CSMD1: variants seen among roughly 807,000 people sequenced by gnomAD.
CSMD1 encodes CUB and Sushi multiple domains 1.
In CSMD1, 213 loss-of-function variants were observed where a neutral mutation model predicts 417.5. That is an observed-to-expected ratio of 0.51 (90% CI 0.46 to 0.57). CSMD1 has a LOEUF of 0.57. Among genes scored for constraint, CSMD1 ranks in the 20% least tolerant of loss-of-function variants. The probability of loss-of-function intolerance (pLI) is 0.00; values close to 1 mark genes in which losing one functional copy is unlikely to be tolerated. For missense variants in CSMD1, 6,923 were observed against 4,529.7 expected, an observed-to-expected ratio of 1.53 and a Z score of -15.17; for synonymous variants, 2,862 against 1,736.8, an observed-to-expected ratio of 1.65 and a Z score of -16.11.
At chr8:4,410,244 C>A (rs887388426) in intron 3 of CSMD1, among the ~76,000 whole-genome samples, 1 of 152,210 alleles carries the variant, frequency 6.6e-6, no homozygotes, top group Non-Finnish European at 1.5e-5. Flanking sequence ...CTCATGCCAA[C>A]TCTCTAAGGT....
chr8:4,147,406 G>T lies in CSMD1; in HGVS notation c.416-115307C>A, dbSNP rs138550039. ...CTCCACACTGCCTTCCCCACATGCT[G>T]CCCTGTCTAGAATGGCTTTTCCACC... On this transcript the variant is annotated intron_variant, in intron 3 of 69. Transcript: ENST00000635120. 7.0e-3 allele frequency among the ~76,000 whole-genome samples: 1,066 copies of T among 152,018 alleles called. 16 individuals carry two copies. The highest frequency in any genetic ancestry group is 0.024 in the African/African-American group (1,013 of 41,444).
At chr8:4,109,161 T>C (rs761605188) in intron 3 of CSMD1, among the ~76,000 whole-genome samples, 1 of 152,148 alleles carries the variant, frequency 6.6e-6, no homozygotes, top group African/African-American at 2.4e-5. Flanking sequence ...ATGTAAATAG[T>C]GTTATGCTGT....
chr8:4,174,712 A>AGACGAAGAGGGATGT (rs1797943788), intron 3 of CSMD1, among the ~76,000 whole-genome samples: 1 of 14,960 alleles, frequency 6.7e-5, no homozygotes, highest in Non-Finnish European at 1.4e-4. Context: ...CACTGAAGAG[A>AGACGAAGAGGGATGT]GAGGAAGAGG....
intron 2 of CSMD1, among the ~76,000 whole-genome samples, chr8:4,506,150 G>A (rs1375652065): frequency 1.3e-5 from 2 of 151,944 alleles, no homozygotes; most frequent in Non-Finnish European, 1.5e-5. Context: ...GTATTAGATT[G>A]GTGCAAAAGT....
chr8:4,081,395 A>G (rs1800124215), intron 3 of CSMD1, among the ~76,000 whole-genome samples: 1 of 152,192 alleles, frequency 6.6e-6, no homozygotes, highest in Non-Finnish European at 1.5e-5. Context: ...ATAGATGATT[A>G]TAAAAGGCTT....
chr8:3,949,316 C>T (rs58128877), intron 5 of CSMD1, among the ~76,000 whole-genome samples: 35,344 of 152,016 alleles, frequency 0.23, 4,550 homozygotes, highest in East Asian at 0.36. Flanking sequence ...TCCTGTCTCA[C>T]TGAAATGTTG....
intron 3 of CSMD1, among the ~76,000 whole-genome samples, chr8:4,125,882 T>C (rs1802735136): frequency 6.6e-6 from 1 of 152,134 alleles, no homozygotes; most frequent in Non-Finnish European, 1.5e-5. Context: ...AGTTTAGGAC[T>C]TACGGTTTAG....
chr8:3,815,462 G>A (rs1166481648), intron 5 of CSMD1, among the ~76,000 whole-genome samples: 2 of 151,986 alleles, frequency 1.3e-5, no homozygotes, highest in African/African-American at 4.8e-5. Flanking sequence ...AGTCCCTCAG[G>A]TTTCTGTGTA....
intron 7 of CSMD1, among the ~76,000 whole-genome samples, chr8:3,633,139 G>A (rs1050158018): frequency 6.6e-6 from 1 of 152,106 alleles, no homozygotes; most frequent in Non-Finnish European, 1.5e-5. Flanking sequence ...ATGTTACCAA[G>A]AATTTATAGA....
intron 4 of CSMD1, among the ~76,000 whole-genome samples, chr8:4,027,496 A>C (rs1053087622): frequency 1.3e-5 from 2 of 152,130 alleles, no homozygotes; most frequent in Admixed American, 6.6e-5. Flanking sequence ...TGATGGCTTT[A>C]TAAGGGTCTT....
intron 1 of CSMD1, among the ~76,000 whole-genome samples, chr8:4,655,089 T>C (rs1804144481): frequency 6.6e-6 from 1 of 151,838 alleles, no homozygotes; most frequent in African/African-American, 2.4e-5. Context: ...AAAGGAGACC[T>C]ATTAATTTAC....
chr8:4,171,740 C>T (rs1797775467), intron 3 of CSMD1, among the ~76,000 whole-genome samples: 1 of 149,600 alleles, frequency 6.7e-6, no homozygotes, highest in South Asian at 2.1e-4. Context: ...AAATTTTCAT[C>T]TTTTTATTTT....
intron 5 of CSMD1, among the ~76,000 whole-genome samples, chr8:3,996,679 A>C (rs1037654606): frequency 1.3e-5 from 2 of 152,200 alleles, no homozygotes; most frequent in Non-Finnish European, 2.9e-5. Context: ...GGCTAATCTA[A>C]AAGTGTTGTT....
At chr8:3,684,322 C>T (rs999465525) in intron 7 of CSMD1, among the ~76,000 whole-genome samples, 2 of 141,332 alleles carry the variant, frequency 1.4e-5, no homozygotes, top group Non-Finnish European at 3.0e-5. Context: ...AAATATATAG[C>T]TATATGTTAT....
chr8:4,644,044 A>G (rs1372309434), intron 1 of CSMD1, among the ~76,000 whole-genome samples: 1 of 152,196 alleles, frequency 6.6e-6, no homozygotes, highest in African/African-American at 2.4e-5. Flanking sequence ...AGAAAAGTAA[A>G]AATGCCAGAG....
At chr8:4,396,681 T>A (rs2406692) in intron 3 of CSMD1, among the ~76,000 whole-genome samples, 1 of 151,440 alleles carries the variant, frequency 6.6e-6, no homozygotes, top group Non-Finnish European at 1.5e-5. Flanking sequence ...ACACACCCAA[T>A]GGAATACCGA....
chr8:4,583,759 A>G (rs1000386242), intron 2 of CSMD1, among the ~76,000 whole-genome samples: 2 of 149,472 alleles, frequency 1.3e-5, no homozygotes, highest in South Asian at 4.2e-4. Flanking sequence ...GGGCTCTATC[A>G]ATCAGCAGGA....
intron 7 of CSMD1, among the ~76,000 whole-genome samples, chr8:3,695,560 T>C (rs1451075312): frequency 6.6e-6 from 1 of 152,110 alleles, no homozygotes; most frequent in Non-Finnish European, 1.5e-5. Flanking sequence ...TTCCACCAAA[T>C]AAAAGAATAA....
chr8:4,927,798 G>A (rs184408132), intron 1 of CSMD1, among the ~76,000 whole-genome samples: 2 of 152,006 alleles, frequency 1.3e-5, no homozygotes, highest in African/African-American at 2.4e-5. Flanking sequence ...TTCCAACTTG[G>A]CTCCTCTCCT....
Sources: gnomAD v4.1 joint callset for allele counts (sites outside exome capture counted in the v4.1 genomes callset) on GRCh38, gnomAD v4.1.1 for gene constraint, MANE v1.5 for transcripts, NCBI Gene and HGNC (gene_info 2026-07-23, HGNC 2026-07-21) for gene names.